LHFPL3: variants seen among roughly 807,000 people sequenced by gnomAD.
LHFPL3 encodes the protein LHFPL tetraspan subfamily member 3.
In LHFPL3, 5 loss-of-function variants were observed where a neutral mutation model predicts 19.3. The ratio of observed to expected loss-of-function variants is 0.26; its 90% confidence interval spans 0.14 to 0.54. LHFPL3 has a LOEUF of 0.54. Ranked by LOEUF, LHFPL3 falls within the 20% of genes least tolerant of loss-of-function variation. The pLI is 0.94. For missense variants in LHFPL3, 249 were observed against 307.4 expected (o/e 0.81, Z 1.42); for synonymous variants, 133 against 126.2 (o/e 1.05, Z -0.36).
At chr7:104,831,701 C>A (rs1376148521) in intron 2 of LHFPL3, among the ~76,000 whole-genome samples, 1 of 151,034 alleles carries the variant, frequency 6.6e-6, no homozygotes, top group East Asian at 1.9e-4. Context: ...GGATTTTTCT[C>A]CTTCACACAC....
At chr7:104,747,008 G>C (rs1456627193) in intron 2 of LHFPL3, among the ~76,000 whole-genome samples, 1 of 152,084 alleles carries the variant, frequency 6.6e-6, no homozygotes, top group African/African-American at 2.4e-5. Flanking sequence ...TCATCTGGTT[G>C]CTTTACAAAT....
chr7:104,714,923 A>G (rs1041828132), intron 1 of LHFPL3, among the ~76,000 whole-genome samples: 5 of 152,168 alleles, frequency 3.3e-5, no homozygotes, highest in African/African-American at 1.2e-4. Context: ...CTCTATATAT[A>G]TATACACATA....
chr7:104,731,095 A>G (rs572114726), intron 1 of LHFPL3, among the ~76,000 whole-genome samples: 2 of 152,186 alleles, frequency 1.3e-5, no homozygotes, highest in African/African-American at 4.8e-5. Flanking sequence ...GTTCTGTTCT[A>G]TTGGTCTCTA....
intron 1 of LHFPL3, among the ~76,000 whole-genome samples, chr7:104,733,170 T>C (rs1193880801): frequency 6.6e-6 from 1 of 152,192 alleles, no homozygotes; most frequent in East Asian, 1.9e-4. Context: ...GGAATAGGTG[T>C]GGTGTGGTGC....
At chr7:104,346,650 C>T (rs6946662) in intron 1 of LHFPL3, among the ~76,000 whole-genome samples, 83,189 of 151,810 alleles carry the variant, frequency 0.55, 23,626 homozygotes, top group East Asian at 0.71. Flanking sequence ...TCCAGTGACA[C>T]ACGTATGTAG....
intron 1 of LHFPL3, among the ~76,000 whole-genome samples, chr7:104,392,627 G>A (rs1486324547): frequency 1.3e-5 from 2 of 152,154 alleles, no homozygotes; most frequent in Admixed American, 6.5e-5. Context: ...TGTTCATCAG[G>A]GATATTGGTC....
chr7:104,691,550 C>T (rs1178423616), intron 1 of LHFPL3, among the ~76,000 whole-genome samples: 2 of 152,234 alleles, frequency 1.3e-5, no homozygotes, highest in Non-Finnish European at 2.9e-5. Flanking sequence ...ACCTGCTGTG[C>T]ATTTTGCTTG....
At chr7:104,698,207 A>T (rs573355374) in intron 1 of LHFPL3, among the ~76,000 whole-genome samples, 1 of 152,352 alleles carries the variant, frequency 6.6e-6, no homozygotes, top group Non-Finnish European at 1.5e-5. Context: ...AGAGTCAAAA[A>T]TGTATACATT....
chr7:104,512,109 C>T (rs2115773317), intron 1 of LHFPL3, among the ~76,000 whole-genome samples: 1 of 151,816 alleles, frequency 6.6e-6, no homozygotes, highest in Admixed American at 6.6e-5. Flanking sequence ...CACGCTCCAC[C>T]ACACTCAGCT....
At chr7:104,430,424 A>G (rs1313559039) in intron 1 of LHFPL3, among the ~76,000 whole-genome samples, 53 of 11,112 alleles carry the variant, frequency 4.8e-3, no homozygotes, top group Non-Finnish European at 7.8e-3. Flanking sequence ...ATATACATAT[A>G]TATATATATA....
intron 2 of LHFPL3, among the ~76,000 whole-genome samples, chr7:104,750,481 C>G (rs1794142223): frequency 6.6e-6 from 1 of 152,212 alleles, no homozygotes; most frequent in African/African-American, 2.4e-5. Context: ...AATTGAAGAG[C>G]TAATAACCAA....
chr7:104,528,531 A>T (rs76410724), intron 1 of LHFPL3, among the ~76,000 whole-genome samples: 176 of 152,322 alleles, frequency 1.2e-3, no homozygotes, highest in African/African-American at 4.0e-3. Flanking sequence ...CCTGACATCA[A>T]CAAGGGAAGG....
intron 1 of LHFPL3, among the ~76,000 whole-genome samples, chr7:104,532,526 A>G (rs901757171): frequency 6.6e-6 from 1 of 152,000 alleles, no homozygotes; most frequent in African/African-American, 2.4e-5. Flanking sequence ...GCATGCACAT[A>G]GACTTCTCTT....
chr7:104,832,520 GT>G (rs1048996692), intron 2 of LHFPL3, among the ~76,000 whole-genome samples: 3 of 150,852 alleles, frequency 2.0e-5, no homozygotes, highest in African/African-American at 7.4e-5. Flanking sequence ...CTTTCATTCT[GT>G]TTTTTCTCAT....
intron 2 of LHFPL3, among the ~76,000 whole-genome samples, chr7:104,886,809 C>A (rs1403048589): frequency 6.6e-6 from 1 of 152,218 alleles, no homozygotes; most frequent in Non-Finnish European, 1.5e-5. Flanking sequence ...CAATAGGAAG[C>A]TTTTCTATTG....
intron 1 of LHFPL3, among the ~76,000 whole-genome samples, chr7:104,365,694 T>C (rs1202631936): frequency 1.4e-5 from 2 of 142,496 alleles, no homozygotes; most frequent in South Asian, 2.2e-4. Context: ...GGCAGGAGAA[T>C]GGCGTGAACC....
At chr7:104,410,402 G>A (rs994772095) in intron 1 of LHFPL3, among the ~76,000 whole-genome samples, 8 of 152,126 alleles carry the variant, frequency 5.3e-5, no homozygotes, top group African/African-American at 1.9e-4. Flanking sequence ...CAAAGTGCTG[G>A]GATTACAGGC....
rs904032318 is a variant in LHFPL3 at position 104,399,681 on chromosome 7, C to G, written c.445+70457C>G. On this transcript the variant is annotated intron_variant, in intron 1 of 2. Transcript: ENST00000424859. This position sits in a 1 kb window ranked among gnomAD's most constrained non-coding sequence, Gnocchi z 4.4. ...TAGAGACGGGGTTTCACCATATTGG[C>G]CAGGCTGGTCTTGAACTCCCAACCT... is the stretch of plus-strand genomic sequence containing the variant. Among the ~76,000 whole-genome samples, 18 of 148,268 alleles carry G rather than the reference C, an allele frequency of 1.2e-4. No individual in the cohort carries two copies. The highest frequency in any genetic ancestry group is 3.7e-4 in the African/African-American group (15 of 40,210).
rs558115592 is a variant in LHFPL3, at chr7:104,709,888, A to G, written c.446-26787A>G. 4.6e-5 allele frequency among the ~76,000 whole-genome samples: 7 copies of G among 151,080 alleles called. No homozygotes were observed. In the South Asian group the frequency reaches 1.1e-3, roughly 23 times the overall value. On this transcript the variant is annotated intron_variant, in intron 1 of 2. Coordinates refer to ENST00000424859, the MANE Select transcript of LHFPL3 (RefSeq NM_199000.3). ...CTCACATCCCAGACGATGGGTGGCC[A>G]GGCAGAGACGCTCCTCACTTCCCAG...
Sources: allele counts gnomAD v4.1 joint callset (sites outside exome capture counted in the v4.1 genomes callset), GRCh38; gene constraint gnomAD v4.1.1; non-coding constraint Gnocchi (gnomAD v3.1); transcripts MANE v1.5; gene names NCBI Gene and HGNC (gene_info 2026-07-23, HGNC 2026-07-21).